The following PDE1C variants were observed in gnomAD, a reference collection of about 807,000 sequenced individuals.
PDE1C encodes phosphodiesterase 1C.
A neutral mutation model predicts 93.1 loss-of-function variants in PDE1C; 62 were observed. The observed-to-expected ratio is 0.67, with a 90% CI of 0.54 to 0.82. The LOEUF is 0.82. Ranked by LOEUF, PDE1C falls within the 40% of genes least tolerant of loss-of-function variation. The probability of loss-of-function intolerance (pLI) is 0.00; values close to 1 mark genes in which losing one functional copy is unlikely to be tolerated. For synonymous variants in PDE1C, 325 were observed against 310.1 expected (o/e 1.05, Z -0.50); for missense variants, 742 against 884.6 (o/e 0.84, Z 2.04).
chr7:32,053,157 A>G (rs1793611697), intron 1 of PDE1C, among the ~76,000 whole-genome samples: 1 of 152,142 alleles, frequency 6.6e-6, no homozygotes, highest in African/African-American at 2.4e-5. Context: ...TAGTTATTAA[A>G]TCCCCCTGAA....
chr7:31,834,976 G>T (rs915704849), intron 11 of PDE1C, among the ~76,000 whole-genome samples: 11 of 152,092 alleles, frequency 7.2e-5, no homozygotes, highest in Admixed American at 2.6e-4. Flanking sequence ...TCCTGGGTGC[G>T]GTTTCCCCCA....
intron 3 of PDE1C, among the ~76,000 whole-genome samples, chr7:32,085,247 A>G (rs1003841084): frequency 2.0e-5 from 3 of 147,870 alleles, no homozygotes; most frequent in African/African-American, 7.5e-5. Context: ...AAACTAGAAA[A>G]TCTAGAAGAA....
chr7:31,784,990 T>G (rs534920155), intron 16 of PDE1C: 1 of 152,108 alleles, frequency 6.6e-6, no homozygotes, highest in Non-Finnish European at 1.5e-5. Context: ...CCAAGATAGG[T>G]CATGAGAGGG....
intron 1 of PDE1C, among the ~76,000 whole-genome samples, chr7:32,285,820 A>G (rs1370387156): frequency 7.1e-6 from 1 of 141,718 alleles, no homozygotes; most frequent in East Asian, 2.3e-4. Flanking sequence ...GAGGAGAGAG[A>G]ATAAGGGGAG....
intron 2 of PDE1C, among the ~76,000 whole-genome samples, chr7:31,913,922 C>G (rs773125981): frequency 1.3e-5 from 2 of 152,140 alleles, no homozygotes; most frequent in Non-Finnish European, 2.9e-5. Flanking sequence ...AGCTTGCTAC[C>G]TTCCGCCCAC....
rs1783194516 is a variant in PDE1C, at chr7:31,985,096, C to G, written c.128+66458G>C. ...ACCCTGGGAATCTGCTATCCAGACA[C>G]CATCAAGCCATGAGTGAGTGCATAC... On this transcript the variant is annotated intron_variant, in intron 2 of 17. Coordinates refer to ENST00000396191, the MANE Select transcript of PDE1C (RefSeq NM_001191057.4). Among the ~76,000 whole-genome samples the G allele has an allele frequency of 2.0e-5, 3 of 152,148 alleles. No individual in the cohort carries two copies. In the South Asian group the frequency reaches 6.2e-4, roughly 31 times the overall value.
intron 1 of PDE1C, among the ~76,000 whole-genome samples, chr7:32,328,487 G>A (rs1040322680): frequency 6.6e-6 from 1 of 152,142 alleles, no homozygotes; most frequent in African/African-American, 2.4e-5. Flanking sequence ...AGACCTGCCT[G>A]GCCAACTTCA....
intron 3 of PDE1C, among the ~76,000 whole-genome samples, chr7:32,135,364 C>A (rs2128775381): frequency 1.3e-5 from 2 of 152,120 alleles, no homozygotes; most frequent in South Asian, 4.1e-4. Context: ...AGTTGCGAAC[C>A]ATATATCTGA....
chr7:32,414,386 A>G (rs990079149), intron 1 of PDE1C, among the ~76,000 whole-genome samples: 2 of 152,208 alleles, frequency 1.3e-5, no homozygotes, highest in Admixed American at 6.5e-5. Flanking sequence ...GTTTCATCTG[A>G]TACCATTTGT....
At chr7:32,193,788 G>A (rs991706) in intron 2 of PDE1C, among the ~76,000 whole-genome samples, 34,161 of 151,910 alleles carry the variant, frequency 0.22, 4,525 homozygotes, top group Admixed American at 0.34. Context: ...AAGAGATTGC[G>A]GGGGGAGGAC....
chr7:32,027,081 G>A (rs576732568), intron 2 of PDE1C, among the ~76,000 whole-genome samples: 49 of 152,188 alleles, frequency 3.2e-4, no homozygotes, highest in African/African-American at 1.1e-3. Flanking sequence ...ATAACACAAC[G>A]ATAATAGATA....
At position 31,932,452 on chromosome 7, in the gene PDE1C, A is replaced by C. The variant is rs113068034; in HGVS notation, c.129-51592T>G. Among the ~76,000 whole-genome samples the C allele has an allele frequency of 8.9e-3, 1,362 of 152,266 alleles. 22 individuals are homozygous for C. Among genetic ancestry groups the C allele is most frequent in the African/African-American group, 0.031 (1,276 of 41,568 alleles). Reference sequence around the variant, plus strand: ...CAAAAGAAGACATTTATGTGGCCAAAAAACATGAAAAAAGCTCACCATCAG... The same window carrying C: ...CAAAAGAAGACATTTATGTGGCCAACAAACATGAAAAAAGCTCACCATCAG... On this transcript the variant is annotated intron_variant, in intron 2 of 17. Transcript: ENST00000396191.
chr7:32,187,470 A>T (rs1803959888), intron 2 of PDE1C, among the ~76,000 whole-genome samples: 1 of 152,092 alleles, frequency 6.6e-6, no homozygotes. Flanking sequence ...GTGAATTTTT[A>T]GATATTTTGC....
intron 2 of PDE1C, among the ~76,000 whole-genome samples, chr7:32,001,616 C>T (rs149960254): frequency 4.7e-4 from 72 of 152,186 alleles, no homozygotes; most frequent in African/African-American, 9.4e-4. Flanking sequence ...ACCTGACCAG[C>T]GACCCCATCA....
intron 3 of PDE1C, among the ~76,000 whole-genome samples, chr7:32,137,531 G>C (rs757349961): frequency 1.3e-5 from 2 of 152,164 alleles, no homozygotes; most frequent in Non-Finnish European, 2.9e-5. Context: ...CAACCTGATG[G>C]GGAATGGTCT....
chr7:31,805,752 T>G (rs1398447698), intron 16 of PDE1C, among the ~76,000 whole-genome samples: 2 of 151,804 alleles, frequency 1.3e-5, no homozygotes, highest in African/African-American at 4.8e-5. Context: ...CATCTTGGTC[T>G]TCTTGGATTT....
At chr7:31,803,021 A>G (rs1310687695) in intron 16 of PDE1C, among the ~76,000 whole-genome samples, 1 of 151,688 alleles carries the variant, frequency 6.6e-6, no homozygotes, top group East Asian at 1.9e-4. Context: ...CTACCTGGGG[A>G]TTCCAAGTAC....
intron 14 of PDE1C, chr7:31,821,043 C>T (rs1432376379): frequency 6.6e-6 from 1 of 151,354 alleles, no homozygotes; most frequent in African/African-American, 2.4e-5. Flanking sequence ...CCCTTCCCTG[C>T]TAATTGAAAT....
At chr7:32,329,492 T>C (rs531934205) in intron 1 of PDE1C, among the ~76,000 whole-genome samples, 4 of 152,338 alleles carry the variant, frequency 2.6e-5, no homozygotes, top group African/African-American at 9.6e-5. Context: ...CTCAGACTCC[T>C]GCTCCCTGCT....
Sources: gnomAD v4.1 joint callset for allele counts (sites outside exome capture counted in the v4.1 genomes callset) on GRCh38, gnomAD v4.1.1 for gene constraint, MANE v1.5 for transcripts, NCBI Gene and HGNC (gene_info 2026-07-23, HGNC 2026-07-21) for gene names.